ZFYVE9: variants seen among roughly 807,000 people sequenced by gnomAD.
The protein encoded by ZFYVE9 is zinc finger FYVE-type containing 9.
Under a neutral mutation model 126.7 loss-of-function variants are expected in ZFYVE9, and 43 were observed. The ratio of observed to expected loss-of-function variants is 0.34; its 90% confidence interval spans 0.27 to 0.44. The LOEUF (loss-of-function observed/expected upper bound fraction) is 0.44, where lower values mean the gene tolerates loss of function less well. ZFYVE9 is among the 20% of genes least tolerant of loss of function. ZFYVE9 has a pLI of 1.00. For missense variants in ZFYVE9, 1,476 were observed against 1,697.0 expected, an observed-to-expected ratio of 0.87 and a Z score of 2.29; for synonymous variants, 521 against 597.4, an observed-to-expected ratio of 0.87 and a Z score of 1.87.
chr1:52,155,455 C>T (rs530486204), intron 1 of ZFYVE9, among the ~76,000 whole-genome samples: 1 of 152,046 alleles, frequency 6.6e-6, no homozygotes, highest in African/African-American at 2.4e-5. Flanking sequence ...AGGATGGTCT[C>T]GATCTCCTGA....
intron 1 of ZFYVE9, among the ~76,000 whole-genome samples, chr1:52,159,310 C>T (rs1412005306): frequency 1.3e-5 from 2 of 152,160 alleles, no homozygotes; most frequent in Non-Finnish European, 2.9e-5. Context: ...CATCTTAGCT[C>T]CTGCTTTCTT....
At chr1:52,170,987 A>G (rs1201156052) in intron 1 of ZFYVE9, among the ~76,000 whole-genome samples, 1 of 151,772 alleles carries the variant, frequency 6.6e-6, no homozygotes, top group African/African-American at 2.4e-5. Context: ...TATAGTGCAG[A>G]TTAAGTCCGA....
chr1:52,331,033 A>AT (rs1011630476), intron 13 of ZFYVE9, among the ~76,000 whole-genome samples: 1 of 151,700 alleles, frequency 6.6e-6, no homozygotes, highest in Non-Finnish European at 1.5e-5. Flanking sequence ...CACCCAGCTC[A>AT]TTTTTTTGTA....
Position 52,332,855 on chromosome 1 carries a change from G to A in ZFYVE9, c.3526G>A (p.Val1176Ile), listed in dbSNP as rs779974516. ...AAAGGCAGACTCTCATCTTGTGTGT[G>A]TACAGAATGATGATGGAAACTATCA... ...NEKADSHLVC[V>I]QNDDGNYQTQ... Residue 1176 changes from valine to isoleucine, a missense_variant, in exon 14 of 19, where the codon GTA (valine) becomes ATA (isoleucine). Val to Ile is a conservative substitution (Grantham distance 29). Around this residue, in one of 2 missense-constraint regions of ZFYVE9, gnomAD observed 669 missense variants for 902.4 expected, o/e 0.74. Coordinates refer to ENST00000287727, the MANE Select transcript of ZFYVE9 (RefSeq NM_004799.4). 2.5e-5 allele frequency: 41 copies of A among 1,614,028 alleles called. No individual in the cohort carries two copies. Among genetic ancestry groups the A allele is most frequent in the Non-Finnish European group, 3.5e-5 (41 of 1,180,036 alleles).
intron 1 of ZFYVE9, among the ~76,000 whole-genome samples, chr1:52,212,554 G>A (rs898878539): frequency 1.3e-5 from 2 of 152,230 alleles, no homozygotes; most frequent in Non-Finnish European, 1.5e-5. Context: ...CACTCTAGGC[G>A]AGAACTGATG....
chr1:52,243,202 C>G (rs1229570886), intron 4 of ZFYVE9, among the ~76,000 whole-genome samples: 3 of 152,160 alleles, frequency 2.0e-5, no homozygotes, highest in African/African-American at 7.2e-5. Context: ...CGAGCTTACA[C>G]CAATGATGTT....
intron 1 of ZFYVE9, among the ~76,000 whole-genome samples, chr1:52,195,990 C>T (rs1469351390): frequency 6.6e-6 from 1 of 152,062 alleles, no homozygotes; most frequent in Admixed American, 6.6e-5. Context: ...GATGGGGTTT[C>T]ACCATGTTGG....
chr1:52,323,429 C>T (rs1646260129), intron 13 of ZFYVE9, among the ~76,000 whole-genome samples: 1 of 152,190 alleles, frequency 6.6e-6, no homozygotes, highest in Non-Finnish European at 1.5e-5. Context: ...TCCTCCTACA[C>T]ACAAGAATAT....
intron 1 of ZFYVE9, among the ~76,000 whole-genome samples, chr1:52,181,345 G>A (rs545274350): frequency 5.1e-4 from 77 of 152,342 alleles, no homozygotes; most frequent in Admixed American, 2.7e-3. Flanking sequence ...TCGGCCTCCC[G>A]AGGTGCTGGG....
chr1:52,178,634 G>A (rs927991850), intron 1 of ZFYVE9, among the ~76,000 whole-genome samples: 1 of 152,006 alleles, frequency 6.6e-6, no homozygotes. Flanking sequence ...CGGCTTATTT[G>A]GTTGAAGATT....
In ZFYVE9 at chr1:52,189,215, G is replaced by T. The variant is rs544510038; in HGVS notation, c.-142-27154G>T. ...GCCTCCCAAAGTGCTAGGATTACAG[G>T]CATGAGCCACCATGCCCAGCCTATT... On this transcript the variant is annotated intron_variant, in intron 1 of 18. Transcript: ENST00000287727. 1.8e-4 allele frequency among the ~76,000 whole-genome samples: 27 copies of T among 150,986 alleles called. 1 individual carries two copies. The highest frequency in any genetic ancestry group is 6.3e-4 in the African/African-American group (26 of 41,104).
At chr1:52,166,098 T>C (rs560015099) in intron 1 of ZFYVE9, among the ~76,000 whole-genome samples, 1 of 152,214 alleles carries the variant, frequency 6.6e-6, no homozygotes, top group Non-Finnish European at 1.5e-5. Context: ...AAAAAGACTT[T>C]ACTCGAGTTG....
At chr1:52,278,718 T>A in intron 9 of ZFYVE9, 104 bp downstream of exon 9, 10 of 776,590 alleles carry the variant, frequency 1.3e-5, no homozygotes, top group Non-Finnish European at 1.8e-5. Flanking sequence ...TAGAGCCACA[T>A]CTTTTTTTTT....
chr1:52,174,987 G>A (rs975038800), intron 1 of ZFYVE9, among the ~76,000 whole-genome samples: 5 of 152,100 alleles, frequency 3.3e-5, no homozygotes, highest in African/African-American at 1.2e-4. Flanking sequence ...TTTAATTGGA[G>A]CGTTTAGTCC....
chr1:52,189,421 G>A (rs1644796691), intron 1 of ZFYVE9, among the ~76,000 whole-genome samples: 1 of 152,018 alleles, frequency 6.6e-6, no homozygotes, highest in South Asian at 2.1e-4. Context: ...ATTTTTAGTA[G>A]AGATGGGGTT....
At chr1:52,253,178 ATGT>A (rs1448516563) in intron 4 of ZFYVE9, among the ~76,000 whole-genome samples, 1 of 152,212 alleles carries the variant, frequency 6.6e-6, no homozygotes, top group Non-Finnish European at 1.5e-5. Flanking sequence ...AACACAGTTT[ATGT>A]TGTTGTTGTA....
chr1:52,171,183 G>A (rs1049081971), intron 1 of ZFYVE9, among the ~76,000 whole-genome samples: 1 of 151,314 alleles, frequency 6.6e-6, no homozygotes, highest in Non-Finnish European at 1.5e-5. Flanking sequence ...CCCAGAGTGT[G>A]ATGTTCCCCT....
intron 2 of ZFYVE9, among the ~76,000 whole-genome samples, chr1:52,221,029 A>G (rs1572110707): frequency 6.6e-6 from 1 of 152,302 alleles, no homozygotes; most frequent in South Asian, 2.1e-4. Flanking sequence ...GGCCCTTACT[A>G]TTGATGAAGC....
At chr1:52,277,811 CTGTGCT>C (rs1363112541) in intron 8 of ZFYVE9, among the ~76,000 whole-genome samples, 8 of 152,154 alleles carry the variant, frequency 5.3e-5, no homozygotes, top group Non-Finnish European at 1.2e-4. Flanking sequence ...GAAGCACATA[CTGTGCT>C]TCCAGAGATT....
Sources: allele counts gnomAD v4.1 joint callset (sites outside exome capture counted in the v4.1 genomes callset), GRCh38; gene constraint gnomAD v4.1.1; regional missense constraint gnomAD v4.1.1; transcripts MANE v1.5; gene names NCBI Gene and HGNC (gene_info 2026-07-23, HGNC 2026-07-21).